Variants in CCDC192 observed in about 807,000 individuals in gnomAD.
CCDC192 encodes coiled-coil domain containing 192.
chr5:127,754,194 G>C (rs1277378056), intron 2 of CCDC192, 74 bp from the exon 3 acceptor site: 1 of 395,122 alleles, frequency 2.5e-6, no homozygotes, highest in African/African-American at 2.1e-5. Flanking sequence ...ATCTTATCAA[G>C]TCCATAAGAT....
chr5:127,761,914 A>G (rs541610318), intron 3 of CCDC192, among the ~76,000 whole-genome samples: 32 of 152,350 alleles, frequency 2.1e-4, no homozygotes, highest in African/African-American at 7.5e-4. Flanking sequence ...TTTCTCTCTT[A>G]GTACATCTTA....
chr5:127,833,768 G>GCT (rs1245911378), intron 5 of CCDC192, among the ~76,000 whole-genome samples: 1 of 152,100 alleles, frequency 6.6e-6, no homozygotes, highest in African/African-American at 2.4e-5. Flanking sequence ...AAGTGTTACA[G>GCT]TAAGCTGTAT....
intron 2 of CCDC192, among the ~76,000 whole-genome samples, chr5:127,734,217 A>T (rs1042718073): frequency 6.6e-6 from 1 of 151,180 alleles, no homozygotes; most frequent in African/African-American, 2.4e-5. Flanking sequence ...GAGAATGATG[A>T]TTTCCAATTT....
chr5:127,884,275 G>A (rs1018388413), intron 6 of CCDC192, among the ~76,000 whole-genome samples: 8 of 146,770 alleles, frequency 5.5e-5, no homozygotes, highest in South Asian at 4.5e-4. Context: ...CCCGGGAGGC[G>A]GAGCTTGCAG....
chr5:127,909,991 C>T (rs1359584796), intron 6 of CCDC192, among the ~76,000 whole-genome samples: 2 of 152,168 alleles, frequency 1.3e-5, no homozygotes, highest in African/African-American at 4.8e-5. Flanking sequence ...TCCTCATTTC[C>T]TCTGTGGATG....
At chr5:127,757,151 T>C (rs774011272) in intron 3 of CCDC192, among the ~76,000 whole-genome samples, 1 of 152,100 alleles carries the variant, frequency 6.6e-6, no homozygotes, top group African/African-American at 2.4e-5. Flanking sequence ...TCACAGAGAA[T>C]AGAAAAATTG....
At chr5:127,742,857 T>C (rs1321581957) in intron 2 of CCDC192, among the ~76,000 whole-genome samples, 1 of 152,196 alleles carries the variant, frequency 6.6e-6, no homozygotes, top group Non-Finnish European at 1.5e-5. Flanking sequence ...AAGTTTGCCT[T>C]GTCCTTTTGT....
chr5:127,935,844 C>T (rs1754171832), intron 6 of CCDC192, among the ~76,000 whole-genome samples: 1 of 152,174 alleles, frequency 6.6e-6, no homozygotes. Flanking sequence ...GTGGCTCATA[C>T]CTGTAATCAC....
chr5:127,719,259 A>G (rs1462823528), intron 2 of CCDC192, among the ~76,000 whole-genome samples: 2 of 151,942 alleles, frequency 1.3e-5, no homozygotes, highest in Non-Finnish European at 2.9e-5. Context: ...CTAGTACACC[A>G]TTGTGTACAT....
At chr5:127,753,187 A>G (rs1390303582) in intron 2 of CCDC192, among the ~76,000 whole-genome samples, 3 of 152,210 alleles carry the variant, frequency 2.0e-5, no homozygotes, top group Admixed American at 6.5e-5. Flanking sequence ...AGGAGTATTC[A>G]CAAGAAAACA....
chr5:127,721,083 T>G (rs1751994221), intron 2 of CCDC192, among the ~76,000 whole-genome samples: 1 of 152,234 alleles, frequency 6.6e-6, no homozygotes, highest in East Asian at 1.9e-4. Context: ...TATGCAAATT[T>G]CTGTAGCTGG....
intron 5 of CCDC192, chr5:127,857,530 A>T (rs927816076): frequency 6.6e-6 from 1 of 152,216 alleles, no homozygotes; most frequent in Non-Finnish European, 1.5e-5. Flanking sequence ...CTCCAGAGAG[A>T]AACACAACCA....
intron 6 of CCDC192, among the ~76,000 whole-genome samples, chr5:127,934,688 T>C (rs1754140024): frequency 6.6e-6 from 1 of 152,208 alleles, no homozygotes; most frequent in Non-Finnish European, 1.5e-5. Context: ...TTTCAGAGAA[T>C]AGCCATTTGC....
chr5:127,934,116 A>C (rs183656410), intron 6 of CCDC192, among the ~76,000 whole-genome samples: 1 of 152,168 alleles, frequency 6.6e-6, no homozygotes. Context: ...TCTCTGATCC[A>C]CTGCTCTCAG....
chr5:127,904,057 C>G (rs1015403291), intron 6 of CCDC192, among the ~76,000 whole-genome samples: 4 of 152,072 alleles, frequency 2.6e-5, no homozygotes, highest in Non-Finnish European at 4.4e-5. Context: ...TCACCTGAGT[C>G]CTTAAAAGCA....
chr5:127,762,587 A>T (rs1033805493), intron 3 of CCDC192, among the ~76,000 whole-genome samples: 25 of 152,118 alleles, frequency 1.6e-4, no homozygotes, highest in Non-Finnish European at 3.1e-4. Flanking sequence ...TGCAGGCGGG[A>T]TGTGTGGATT....
At chr5:127,719,832 G>GGA (rs1220837843) in intron 2 of CCDC192, among the ~76,000 whole-genome samples, 6 of 112,226 alleles carry the variant, frequency 5.3e-5, no homozygotes, top group African/African-American at 1.1e-4. Context: ...CAGAGGAAGG[G>GGA]GCGGGGGAGG....
intron 5 of CCDC192, 85 bp from the exon 6 acceptor site, chr5:127,875,453 G>T (rs1580782805): frequency 2.5e-6 from 1 of 393,778 alleles, no homozygotes; most frequent in Admixed American, 4.4e-5. Flanking sequence ...CAAAGGCAGT[G>T]TTTGTTCAGA....
At chr5:127,939,002 G>T (rs536243211) in intron 6 of CCDC192, among the ~76,000 whole-genome samples, 1 of 152,302 alleles carries the variant, frequency 6.6e-6, no homozygotes, top group Non-Finnish European at 1.5e-5. Context: ...CTCTCTCCTG[G>T]GCTGGAAAGC....
Sources: allele counts gnomAD v4.1 joint callset (sites outside exome capture counted in the v4.1 genomes callset), GRCh38; gene constraint gnomAD v4.1.1; transcripts MANE v1.5; gene names NCBI Gene and HGNC (gene_info 2026-07-23, HGNC 2026-07-21).